Variants in DPH6 observed in about 807,000 individuals in gnomAD.
DPH6 encodes the protein diphthine--ammonia ligase.
In DPH6, 33 loss-of-function variants were observed where a neutral mutation model predicts 38.2. That is an observed-to-expected ratio of 0.86 (90% CI 0.65 to 1.15). The LOEUF (loss-of-function observed/expected upper bound fraction) is 1.15. DPH6 is among the 50% of genes most tolerant of loss of function. The probability of loss-of-function intolerance (pLI) is 0.00; values close to 1 mark genes in which losing one functional copy is unlikely to be tolerated. For synonymous variants in DPH6, 108 were observed against 103.0 expected, an observed-to-expected ratio of 1.05 and a Z score of -0.30; for missense variants, 325 against 320.0, an observed-to-expected ratio of 1.02 and a Z score of -0.12.
downstream of DPH6, among the ~76,000 whole-genome samples, chr15:35,368,719 TGAG>T (rs2052684030): frequency 6.6e-6 from 1 of 151,878 alleles, no homozygotes; most frequent in Non-Finnish European, 1.5e-5. Flanking sequence ...TGAGTTACTA[TGAG>T]GAGAACAGTT....
intron 3 of DPH6, among the ~76,000 whole-genome samples, chr15:35,470,096 G>A (rs1391738346): frequency 6.6e-6 from 1 of 152,168 alleles, no homozygotes; most frequent in Non-Finnish European, 1.5e-5. Context: ...TACTCAGGAG[G>A]CTGAGGCAGG....
chr15:35,196,288 TA>T, the DPH6 span, among the ~76,000 whole-genome samples: 1 of 152,206 alleles, frequency 6.6e-6, no homozygotes, highest in South Asian at 2.1e-4. Context: ...AGTGAAGAGA[TA>T]AAAAATCCCT....
chr15:35,163,232 T>C, the DPH6 span, among the ~76,000 whole-genome samples: 4 of 151,978 alleles, frequency 2.6e-5, no homozygotes, highest in East Asian at 5.8e-4. Context: ...GTTTGTTCTC[T>C]TCCCTTTTCG....
At chr15:35,366,910 T>A (rs1392412755), downstream of DPH6, among the ~76,000 whole-genome samples, 3 of 151,948 alleles carry the variant, frequency 2.0e-5, no homozygotes, top group African/African-American at 7.2e-5. Context: ...CATGTAGACC[T>A]AGTAGTTTTT....
intron 5 of DPH6, among the ~76,000 whole-genome samples, chr15:35,427,174 T>C (rs1200225372): frequency 6.6e-6 from 1 of 151,888 alleles, no homozygotes; most frequent in African/African-American, 2.4e-5. Flanking sequence ...TTTAGTTTTA[T>C]TTTGCATTGA....
chr15:35,508,580 T>C (rs762558045), intron 3 of DPH6, among the ~76,000 whole-genome samples: 5 of 152,120 alleles, frequency 3.3e-5, no homozygotes, highest in Non-Finnish European at 5.9e-5. Context: ...ATACAAATCA[T>C]ATGCCTACCC....
In DPH6 at chr15:35,425,744, C is replaced by T. The variant is rs370810491; in HGVS notation, c.506-14848G>A. On this transcript the variant is annotated intron_variant, in intron 5 of 8. Coordinates refer to ENST00000256538, the MANE Select transcript of DPH6 (RefSeq NM_080650.4). ...AAAGTAGCTTTGGGATGGATAGACTCAATCTATTCCAAAATTCAAGAAAGA... is the reference window on the plus strand; with the variant it reads ...AAAGTAGCTTTGGGATGGATAGACTTAATCTATTCCAAAATTCAAGAAAGA... Among the ~76,000 whole-genome samples, 13 of 148,618 alleles carry T rather than the reference C, an allele frequency of 8.7e-5. 1 individual carries two copies. Among genetic ancestry groups the T allele is most frequent in the East Asian group, 5.9e-4 (3 of 5,084 alleles).
At chr15:35,269,606 T>A (rs1453918498) in intron 3 of DPH6, among the ~76,000 whole-genome samples, 1 of 150,258 alleles carries the variant, frequency 6.7e-6, no homozygotes, top group East Asian at 2.0e-4. Flanking sequence ...CCGGCTAATT[T>A]TTTTTGTACT....
chr15:35,487,780 G>A (rs748594840), intron 3 of DPH6, among the ~76,000 whole-genome samples: 20 of 152,218 alleles, frequency 1.3e-4, no homozygotes, highest in Non-Finnish European at 2.9e-4. Context: ...TCCCCAGAAA[G>A]TGGGTTTTTA....
downstream of DPH6, among the ~76,000 whole-genome samples, chr15:35,366,251 TG>T (rs2052658132): frequency 6.6e-6 from 1 of 151,594 alleles, no homozygotes; most frequent in African/African-American, 2.4e-5. Context: ...TGTGTGTGTG[TG>T]TGTGTGTGTG....
At chr15:35,178,847 C>T in the DPH6 span, among the ~76,000 whole-genome samples, 2 of 151,982 alleles carry the variant, frequency 1.3e-5, no homozygotes, top group Non-Finnish European at 2.9e-5. Context: ...ACAGAGAATA[C>T]ATCCAACATA....
At chr15:35,466,194 C>A (rs1051630705) in intron 3 of DPH6, among the ~76,000 whole-genome samples, 1 of 151,534 alleles carries the variant, frequency 6.6e-6, no homozygotes, top group African/African-American at 2.4e-5. Flanking sequence ...AAGGTTCTGT[C>A]TCAAAAAAAT....
chr15:35,317,223 C>T (rs894470892), intron 3 of DPH6, among the ~76,000 whole-genome samples: 13 of 150,256 alleles, frequency 8.7e-5, no homozygotes, highest in African/African-American at 3.2e-4. Context: ...TGTGCCACTG[C>T]ACCACTCCAG....
At chr15:35,439,859 T>C (rs1172470706) in intron 5 of DPH6, among the ~76,000 whole-genome samples, 2 of 152,130 alleles carry the variant, frequency 1.3e-5, no homozygotes, top group African/African-American at 4.8e-5. Flanking sequence ...AAAGCCCATG[T>C]AGAAATAATT....
chr15:35,360,338 TG>T (rs1247064115), intron 3 of DPH6, among the ~76,000 whole-genome samples: 1 of 152,140 alleles, frequency 6.6e-6, no homozygotes, highest in Non-Finnish European at 1.5e-5. Context: ...ACCAATCAGA[TG>T]GGACTACCTC....
intron 3 of DPH6, among the ~76,000 whole-genome samples, chr15:35,299,674 C>T (rs1166561917): frequency 4.6e-5 from 7 of 152,188 alleles, no homozygotes; most frequent in African/African-American, 1.4e-4. Flanking sequence ...CCTGCCTCTC[C>T]CCAGCTGTTC....
At chr15:35,391,779 C>G (rs1217562562) in intron 6 of DPH6, among the ~76,000 whole-genome samples, 1 of 152,202 alleles carries the variant, frequency 6.6e-6, no homozygotes, top group Non-Finnish European at 1.5e-5. Flanking sequence ...TCCCTGACCC[C>G]TTGCGCTTCC....
intron 3 of DPH6, among the ~76,000 whole-genome samples, chr15:35,464,564 A>G (rs903275330): frequency 1.3e-5 from 2 of 152,276 alleles, no homozygotes; most frequent in South Asian, 4.1e-4. Flanking sequence ...ATTTTTTTCA[A>G]AGAAACAAAT....
At chr15:35,496,571 T>A (rs1351427461) in intron 3 of DPH6, among the ~76,000 whole-genome samples, 2,013 of 79,246 alleles carry the variant, frequency 0.025, 115 homozygotes, top group African/African-American at 0.1. Context: ...AAAAAAAATA[T>A]ATATATATAT....
Sources: allele counts gnomAD v4.1 joint callset (sites outside exome capture counted in the v4.1 genomes callset), GRCh38; gene constraint gnomAD v4.1.1; transcripts MANE v1.5; gene names NCBI Gene and HGNC (gene_info 2026-07-23, HGNC 2026-07-21).